Variants in UNC13B observed in about 807,000 individuals in gnomAD.
UNC13B encodes unc-13 homolog B, also known as protein unc-13 homolog B.
In UNC13B, 144 loss-of-function variants were observed where a neutral mutation model predicts 211.0. The observed-to-expected ratio is 0.68, with a 90% CI of 0.60 to 0.78. The LOEUF (loss-of-function observed/expected upper bound fraction) is 0.78. Among genes scored for constraint, UNC13B ranks in the 30% least tolerant of loss-of-function variants. The pLI, the probability that UNC13B is intolerant of heterozygous loss-of-function variation, is 0.00. For missense variants in UNC13B, 1,777 were observed against 2,002.0 expected (o/e 0.89, Z 2.14); for synonymous variants, 709 against 725.8 (o/e 0.98, Z 0.37).
rs922684961 is a variant in UNC13B, at chr9:35,202,793, C to CTT, written c.23-25206_23-25205dup. ...AATACAGCACACTGATGGGTCTTGA[C>CTT]TTTTTTTTTTTTTTTTTGAGACAGA... On this transcript the variant is annotated intron_variant, in intron 1 of 39. Transcript: ENST00000635942. Among the ~76,000 whole-genome samples the CTT allele has an allele frequency of 6.8e-5, 9 of 131,536 alleles. No homozygotes were observed. In the South Asian group the frequency reaches 7.4e-4, roughly 11 times the overall value. The allele number at this position is 131,536 out of a possible 152,430, so 86.3% of individuals were successfully genotyped here.
chr9:35,175,803 G>A (rs547823354), intron 1 of UNC13B, among the ~76,000 whole-genome samples: 17 of 151,434 alleles, frequency 1.1e-4, no homozygotes, highest in Non-Finnish European at 2.2e-4. Context: ...GATCACTTGA[G>A]GTCAGGAGTT....
rs1157062855 is a variant in UNC13B at position 35,308,282 on chromosome 9, A to C, written c.8878A>C (p.Thr2960Pro). The C allele has an allele frequency of 2.3e-5, 9 of 398,994 alleles. No individual in the cohort carries two copies. Among genetic ancestry groups the C allele is most frequent in the Non-Finnish European group, 3.5e-5 (8 of 226,150 alleles). The allele number at this position is 398,994 out of a possible 1,614,324, so 24.7% of individuals were successfully genotyped here. The change falls in exon 9 of 40, where the codon ACT becomes CCT. Residue 2960 changes from threonine to proline, a missense_variant. Coordinates refer to ENST00000635942, the MANE Select transcript of UNC13B (RefSeq NM_001371189.2). ...PSGKHEEEPSTVSEIFHQLEK... is the reference protein window; with the variant it reads ...PSGKHEEEPSPVSEIFHQLEK... ...AGGGAAACATGAGGAAGAACCCTCCACTGTCTCTGAGATATTTCACCAGCT... is the reference window on the plus strand; with the variant it reads ...AGGGAAACATGAGGAAGAACCCTCCCCTGTCTCTGAGATATTTCACCAGCT...
rs1323126739 is a variant in UNC13B, at chr9:35,162,060, T to C, written c.-224T>C. 1 of 600,582 alleles carries C rather than the reference T, an allele frequency of 1.7e-6. No individual in the cohort carries two copies. The highest frequency in any genetic ancestry group is 2.0e-5 in the African/African-American group (1 of 50,590). The allele number at this position is 600,582 out of a possible 1,614,324, so 37.2% of individuals were successfully genotyped here. On this transcript the variant is annotated 5_prime_UTR_variant, in exon 1 of 40. Transcript: ENST00000635942. ...GATGGCGTCGCTGTGCCGCGCCCAGTCCCCAGCCTGCCGGCCGGTACTCAC... is the reference window on the plus strand; with the variant it reads ...GATGGCGTCGCTGTGCCGCGCCCAGCCCCCAGCCTGCCGGCCGGTACTCAC...
At chr9:35,249,433 G>A (rs1475431726) in intron 6 of UNC13B, among the ~76,000 whole-genome samples, 1 of 152,150 alleles carries the variant, frequency 6.6e-6, no homozygotes, top group African/African-American at 2.4e-5. Context: ...GTTAGTTGAT[G>A]CAGTTTCTTC....
At chr9:35,284,137 G>A (rs1421748493) in intron 7 of UNC13B, among the ~76,000 whole-genome samples, 1 of 152,068 alleles carries the variant, frequency 6.6e-6, no homozygotes, top group Admixed American at 6.6e-5. Context: ...GCATGCGACT[G>A]TAGCCTGTAG....
chr9:35,385,727 A>C lies in UNC13B; in HGVS notation c.10879A>C (p.Asn3627His). Residue 3627 changes from asparagine to histidine, a missense_variant, in exon 23 of 40, where the codon AAT becomes CAT. Physicochemically the swap from Asn to His is moderately conservative, Grantham distance 68. Transcript: ENST00000635942. ...LRIDLSTYRN[N>H]FPAGSPERLQ... is the part of the protein sequence containing the mutation. Reference sequence around the variant, plus strand: ...ACATTTGCTTGATTTGCAACAGAATAATTTCCCTGCTGGGAGTCCTGAACG... The same window carrying C: ...ACATTTGCTTGATTTGCAACAGAATCATTTCCCTGCTGGGAGTCCTGAACG... 13 of 1,600,104 alleles carry C rather than the reference A, an allele frequency of 8.1e-6. No homozygotes were observed. Among genetic ancestry groups the C allele is most frequent in the Non-Finnish European group, 1.0e-5 (12 of 1,168,968 alleles).
chr9:35,207,032 G>A (rs763262654), intron 1 of UNC13B, among the ~76,000 whole-genome samples: 2 of 152,040 alleles, frequency 1.3e-5, no homozygotes, highest in Admixed American at 6.6e-5. Flanking sequence ...TTCCTGTGTG[G>A]CATATTTCTG....
At chr9:35,174,776 C>T (rs72722996) in intron 1 of UNC13B, among the ~76,000 whole-genome samples, 3,834 of 152,238 alleles carry the variant, frequency 0.025, 76 homozygotes, top group South Asian at 0.041. Context: ...GTCTCAATCT[C>T]CTGGTTCCAC....
intron 7 of UNC13B, among the ~76,000 whole-genome samples, chr9:35,275,152 C>A (rs76413522): frequency 0.06 from 9,182 of 152,000 alleles, 428 homozygotes; most frequent in African/African-American, 0.13. Context: ...AGTCTCCCAA[C>A]CAGTTATCTT....
At chr9:35,219,318 A>G (rs1219534066) in intron 1 of UNC13B, among the ~76,000 whole-genome samples, 2 of 152,018 alleles carry the variant, frequency 1.3e-5, no homozygotes, top group East Asian at 3.9e-4. Context: ...TGCTTTCACT[A>G]TTAGGAGAAG....
intron 1 of UNC13B, among the ~76,000 whole-genome samples, chr9:35,184,127 G>A (rs1822189790): frequency 1.3e-5 from 2 of 151,070 alleles, no homozygotes; most frequent in African/African-American, 4.9e-5. Flanking sequence ...CAGCCAGGCA[G>A]AGACACTCCT....
intron 1 of UNC13B, among the ~76,000 whole-genome samples, chr9:35,213,008 T>C (rs12344190): frequency 0.026 from 3,964 of 152,288 alleles, 174 homozygotes; most frequent in African/African-American, 0.088. Flanking sequence ...GGGGAAACAA[T>C]AGTACCCACC....
chr9:35,326,434 G>T (rs1399318199), intron 11 of UNC13B, among the ~76,000 whole-genome samples: 3 of 152,158 alleles, frequency 2.0e-5, no homozygotes, highest in Non-Finnish European at 4.4e-5. Context: ...ATCTCACTCT[G>T]TCCTGCAGGC....
chr9:35,225,675 A>G (rs894182951), intron 1 of UNC13B, among the ~76,000 whole-genome samples: 6 of 151,844 alleles, frequency 4.0e-5, no homozygotes. Flanking sequence ...TTGGCTTCTC[A>G]GTGGTGTAGG....
intron 1 of UNC13B, among the ~76,000 whole-genome samples, chr9:35,222,164 A>G (rs1430669236): frequency 6.6e-6 from 1 of 152,182 alleles, no homozygotes; most frequent in Non-Finnish European, 1.5e-5. Flanking sequence ...TATAAATTTT[A>G]AAACCAGCTT....
intron 2 of UNC13B, among the ~76,000 whole-genome samples, chr9:35,228,703 AGTGTGTGTGTGTGTGTGT>A (rs56971215): frequency 7.1e-5 from 10 of 140,602 alleles, no homozygotes; most frequent in Admixed American, 2.8e-4. Flanking sequence ...ACATCATGAA[AGTGTGTGTGTGTGTGTGT>A]GTGTGTGTGT....
chr9:35,368,934 T>C (rs1833946743), intron 12 of UNC13B, among the ~76,000 whole-genome samples: 1 of 152,212 alleles, frequency 6.6e-6, no homozygotes, highest in Non-Finnish European at 1.5e-5. Context: ...AATTGTAAAA[T>C]ACACACATGT....
At chr9:35,228,151 T>C (rs1161011933) in intron 2 of UNC13B, 107 bp downstream of exon 2, 4 of 1,031,736 alleles carry the variant, frequency 3.9e-6, no homozygotes, top group Non-Finnish European at 5.6e-6. Context: ...TTTGATTCAT[T>C]ACTTCACTAA....
rs1835475876 is a variant in UNC13B, at chr9:35,390,669, G to A, written c.11263G>A (p.Val3755Met). ...GAATGTGGGAAAAGTCAGCGCAGAA[G>A]TGATGTGGCATTTGTTTGCCCAAGA... ...ELNVGKVSAE[V>M]MWHLFAQDMK... is the part of the protein sequence containing the mutation. The change falls in exon 26 of 40, where the codon GTG becomes ATG. Residue 3755 changes from valine to methionine, a missense_variant. By Grantham distance (21) the Val-to-Met change is conservative. Transcript: ENST00000635942. 6.2e-7 allele frequency: 1 copy of A among 1,614,174 alleles called. No individual in the cohort carries two copies. The highest frequency in any genetic ancestry group is 8.5e-7 in the Non-Finnish European group (1 of 1,180,028).
Sources: gnomAD v4.1 joint callset for allele counts (sites outside exome capture counted in the v4.1 genomes callset) on GRCh38, gnomAD v4.1.1 for gene constraint, MANE v1.5 for transcripts, NCBI Gene and HGNC (gene_info 2026-07-23, HGNC 2026-07-21) for gene names.